WWOX: variants seen among roughly 807,000 people sequenced by gnomAD.
The protein encoded by WWOX is WW domain containing oxidoreductase.
In WWOX, 69 loss-of-function variants were observed where a neutral mutation model predicts 46.2. The observed-to-expected ratio is 1.49, with a 90% confidence interval of 1.23 to 1.82. WWOX has a LOEUF of 1.82. Ranked by LOEUF, WWOX falls within the 40% of genes most tolerant of loss-of-function variation. WWOX has a pLI of 0.00. For synonymous variants in WWOX, 359 were observed against 202.6 expected, an observed-to-expected ratio of 1.77 and a Z score of -6.56; for missense variants, 919 against 542.6, an observed-to-expected ratio of 1.69 and a Z score of -6.89.
At chr16:78,892,763 C>A (rs534605848) in intron 8 of WWOX, among the ~76,000 whole-genome samples, 1 of 152,184 alleles carries the variant, frequency 6.6e-6, no homozygotes, top group African/African-American at 2.4e-5. Flanking sequence ...AACTTTCTAA[C>A]CTCTGTTGTA....
intron 8 of WWOX, among the ~76,000 whole-genome samples, chr16:78,974,342 C>G (rs1221665042): frequency 2.6e-5 from 4 of 152,178 alleles, no homozygotes; most frequent in Non-Finnish European, 5.9e-5. Context: ...TTTTGTGTGT[C>G]ACATCAATAA....
intron 8 of WWOX, among the ~76,000 whole-genome samples, chr16:78,799,455 C>T (rs967519131): frequency 8.5e-5 from 13 of 152,084 alleles, no homozygotes; most frequent in African/African-American, 2.4e-4. Context: ...TTTTACTCAC[C>T]AGGGATAGAG....
intron 8 of WWOX, among the ~76,000 whole-genome samples, chr16:78,667,913 C>T (rs1211431802): frequency 6.6e-6 from 1 of 152,082 alleles, no homozygotes; most frequent in African/African-American, 2.4e-5. Flanking sequence ...CTAGGATGTG[C>T]CCTCTGCCCC....
intron 8 of WWOX, among the ~76,000 whole-genome samples, chr16:78,591,947 C>T (rs1266579634): frequency 6.6e-6 from 1 of 152,210 alleles, no homozygotes; most frequent in Non-Finnish European, 1.5e-5. Context: ...CGACCATAAC[C>T]ACCAGTGTTC....
intron 5 of WWOX, chr16:78,270,363 A>G (rs1313335759): frequency 6.6e-6 from 1 of 152,172 alleles, no homozygotes; most frequent in Non-Finnish European, 1.5e-5. Context: ...AGAGGACAGG[A>G]TGGCTTTCTT....
intron 6 of WWOX, among the ~76,000 whole-genome samples, chr16:78,406,854 G>A (rs1047410119): frequency 2.6e-5 from 4 of 151,944 alleles, no homozygotes; most frequent in Admixed American, 6.6e-5. Flanking sequence ...TCAAACTCAT[G>A]ACCTCAAGTG....
chr16:78,337,809 GCT>G lies in WWOX; in HGVS notation c.517-49050_517-49049del, dbSNP rs2080928081. Among the ~76,000 whole-genome samples the G allele has an allele frequency of 7.0e-5, 4 of 57,386 alleles. 1 individual carries two copies. Among genetic ancestry groups the G allele is most frequent in the Non-Finnish European group, 1.1e-4 (2 of 18,248 alleles). 37.6% of individuals were successfully genotyped at this position (57,386 alleles called of 152,430 possible). ...TGAATCTTGAAGCTAGAGTTTCTTG[GCT>G]ATCCTATTTCCCTTTTGTTTCCACC... On this transcript the variant is annotated intron_variant, in intron 5 of 8. Coordinates refer to ENST00000566780, the MANE Select transcript of WWOX (RefSeq NM_016373.4).
rs116184884 is a variant in WWOX at position 79,142,155 on chromosome 16, G to A, written c.1057-69453G>A. 5.7e-3 allele frequency among the ~76,000 whole-genome samples: 871 copies of A among 152,222 alleles called. 11 individuals are homozygous for A. Among genetic ancestry groups the A allele is most frequent in the African/African-American group, 0.02 (829 of 41,524 alleles). ...GATATTTAGTGAGTCCTTGCTCTGT[G>A]TCAGGCCACAGTGTAGATATTCCAG... is the stretch of plus-strand genomic sequence containing the variant. On this transcript the variant is annotated intron_variant, in intron 8 of 8. Transcript: ENST00000566780.
chr16:78,253,485 G>T (rs1325481582), intron 5 of WWOX, among the ~76,000 whole-genome samples: 1 of 152,158 alleles, frequency 6.6e-6, no homozygotes, highest in Non-Finnish European at 1.5e-5. Flanking sequence ...AGATCACTGG[G>T]TTAGTAAGTG....
At chr16:78,829,115 GAT>G (rs2051741730) in intron 8 of WWOX, among the ~76,000 whole-genome samples, 2 of 152,024 alleles carry the variant, frequency 1.3e-5, no homozygotes, top group African/African-American at 4.8e-5. Context: ...TGGATGGATG[GAT>G]GGATGGATGG....
intron 8 of WWOX, among the ~76,000 whole-genome samples, chr16:78,926,825 C>A (rs1050785756): frequency 2.0e-5 from 3 of 152,084 alleles, no homozygotes; most frequent in Non-Finnish European, 4.4e-5. Flanking sequence ...GAGAAGGGGT[C>A]TCACTCTGTC....
chr16:78,716,802 T>C (rs903405023), intron 8 of WWOX, among the ~76,000 whole-genome samples: 5 of 152,154 alleles, frequency 3.3e-5, no homozygotes, highest in African/African-American at 1.2e-4. Context: ...CCCAGCATTG[T>C]CTTGGTCCAT....
At chr16:78,749,229 C>T (rs572491069) in intron 8 of WWOX, among the ~76,000 whole-genome samples, 1 of 152,218 alleles carries the variant, frequency 6.6e-6, no homozygotes, top group East Asian at 1.9e-4. Context: ...TGTTTAACCA[C>T]CTACATCATA....
rs947089846 is a variant in WWOX at position 78,349,567 on chromosome 16, C to T, written c.517-37293C>T. On this transcript the variant is annotated intron_variant, in intron 5 of 8. Coordinates refer to ENST00000566780, the MANE Select transcript of WWOX (RefSeq NM_016373.4). ...AGATTACATGGCCCTGACTGTCTTG[C>T]CTGGTGCTGCAGGCCACCTTCACAG... Among the ~76,000 whole-genome samples the T allele has an allele frequency of 1.1e-4, 13 of 120,606 alleles. 2 individuals are homozygous for T. The highest frequency in any genetic ancestry group is 3.4e-4 in the African/African-American group (12 of 35,542). The allele number at this position is 120,606 out of a possible 152,430, so 79.1% of individuals were successfully genotyped here.
rs187586606 is a variant in WWOX at position 79,202,027 on chromosome 16, G to C, written c.1057-9581G>C. Among the ~76,000 whole-genome samples the C allele has an allele frequency of 5.2e-4, 79 of 151,738 alleles. No homozygotes were observed. The East Asian group carries it at 0.014, about 27-fold the overall frequency. ...TGTAGAGCAGAGATTGACAAACTAT[G>C]GCCTGCCGGCTAAATCTGGCCCAGT... is the stretch of plus-strand genomic sequence containing the variant. On this transcript the variant is annotated intron_variant, in intron 8 of 8. Transcript: ENST00000566780.
intron 8 of WWOX, among the ~76,000 whole-genome samples, chr16:79,053,097 C>G (rs983508503): frequency 6.6e-6 from 1 of 150,466 alleles, no homozygotes; most frequent in Non-Finnish European, 1.5e-5. Context: ...AGGATGAAAT[C>G]TTTTGATCAT....
At chr16:78,973,416 G>A (rs1337012328) in intron 8 of WWOX, among the ~76,000 whole-genome samples, 2 of 152,198 alleles carry the variant, frequency 1.3e-5, no homozygotes, top group South Asian at 4.1e-4. Flanking sequence ...ACAGAGAACA[G>A]AGCTACTCAA....
intron 8 of WWOX, among the ~76,000 whole-genome samples, chr16:78,867,691 C>T (rs2044035950): frequency 6.6e-6 from 1 of 152,052 alleles, no homozygotes; most frequent in East Asian, 1.9e-4. Flanking sequence ...CAGGTGCCTG[C>T]CACCATGCCT....
intron 8 of WWOX, among the ~76,000 whole-genome samples, chr16:78,454,155 A>G (rs965981062): frequency 1.3e-5 from 2 of 152,148 alleles, no homozygotes; most frequent in Admixed American, 6.5e-5. Flanking sequence ...CTCCGGGCAT[A>G]CTCCTAATCT....
Sources: allele counts gnomAD v4.1 joint callset (sites outside exome capture counted in the v4.1 genomes callset), GRCh38; gene constraint gnomAD v4.1.1; transcripts MANE v1.5; gene names NCBI Gene and HGNC (gene_info 2026-07-23, HGNC 2026-07-21).